The following PCDH9 variants were observed in gnomAD, a reference collection of about 807,000 sequenced individuals.
The protein encoded by PCDH9 is protocadherin 9.
PCDH9 carries 24 observed loss-of-function variants against 70.6 expected under a neutral mutation model. That is an observed-to-expected ratio of 0.34 (90% CI 0.25 to 0.48). The LOEUF (loss-of-function observed/expected upper bound fraction) is 0.48, where lower values mean the gene tolerates loss of function less well. Ranked by LOEUF, PCDH9 falls within the 20% of genes least tolerant of loss-of-function variation. PCDH9 has a pLI of 0.99. For missense variants in PCDH9, 1,281 were observed against 1,503.6 expected (o/e 0.85, Z 2.45); for synonymous variants, 562 against 558.5 (o/e 1.01, Z -0.09).
chr13:67,178,097 A>T (rs977880955), intron 2 of PCDH9, among the ~76,000 whole-genome samples: 1 of 152,008 alleles, frequency 6.6e-6, no homozygotes, highest in Non-Finnish European at 1.5e-5. Flanking sequence ...AGTATCTCCC[A>T]AGGTTGTCCT....
Position 66,739,676 on chromosome 13 carries a change from G to A in PCDH9, c.3139-108265C>T, listed in dbSNP as rs1039214811. On this transcript the variant is annotated intron_variant, in intron 3 of 4. Transcript: ENST00000377865. ...ACCAAGCAAATGGAAAACAAAAAAG[G>A]CAGGGTTTGCAATCCTAGTCTCTGA... Among the ~76,000 whole-genome samples the A allele has an allele frequency of 3.9e-4, 60 of 152,148 alleles. 2 individuals are homozygous for A. Among genetic ancestry groups the A allele is most frequent in the South Asian group, 2.7e-3 (13 of 4,806 alleles).
intron 3 of PCDH9, among the ~76,000 whole-genome samples, chr13:66,767,805 C>G (rs1187608940): frequency 6.6e-6 from 1 of 151,990 alleles, no homozygotes; most frequent in Non-Finnish European, 1.5e-5. Context: ...TTAAGAAAAT[C>G]CTTTTTCCTC....
intron 4 of PCDH9, among the ~76,000 whole-genome samples, chr13:66,607,612 C>G (rs2077237586): frequency 6.6e-6 from 1 of 152,036 alleles, no homozygotes; most frequent in South Asian, 2.1e-4. Context: ...TGATTAACAT[C>G]TTATACACCC....
At chr13:66,962,677 T>C (rs928997737) in intron 2 of PCDH9, among the ~76,000 whole-genome samples, 1 of 152,176 alleles carries the variant, frequency 6.6e-6, no homozygotes, top group Non-Finnish European at 1.5e-5. Context: ...GAACCACCTT[T>C]GTATATGCAG....
chr13:66,875,070 A>T (rs1180428391), intron 3 of PCDH9, among the ~76,000 whole-genome samples: 1 of 152,146 alleles, frequency 6.6e-6, no homozygotes, highest in Non-Finnish European at 1.5e-5. Context: ...AAATAAAAAA[A>T]TAACTTCAGG....
At chr13:66,704,319 G>A (rs2078684831) in intron 3 of PCDH9, among the ~76,000 whole-genome samples, 1 of 152,164 alleles carries the variant, frequency 6.6e-6, no homozygotes, top group South Asian at 2.1e-4. Context: ...AGCAGAAACT[G>A]ATGTGATATA....
chr13:66,758,412 A>C (rs1245097244), intron 3 of PCDH9, among the ~76,000 whole-genome samples: 4 of 151,996 alleles, frequency 2.6e-5, no homozygotes, highest in Non-Finnish European at 5.9e-5. Flanking sequence ...GGAGATTAAC[A>C]TTTTTAAAAG....
chr13:66,750,710 A>AT (rs202086761), intron 3 of PCDH9, among the ~76,000 whole-genome samples: 17 of 151,652 alleles, frequency 1.1e-4, no homozygotes, highest in South Asian at 4.2e-4. Flanking sequence ...TACTGGGTTG[A>AT]TTTTTTTTTA....
At chr13:66,407,920 C>A (rs1957307022) in intron 4 of PCDH9, among the ~76,000 whole-genome samples, 1 of 152,022 alleles carries the variant, frequency 6.6e-6, no homozygotes, top group Non-Finnish European at 1.5e-5. Context: ...GTATTTTAAA[C>A]ATTGTTAAAG....
intron 3 of PCDH9, among the ~76,000 whole-genome samples, chr13:66,651,780 C>T (rs2077855470): frequency 6.6e-6 from 1 of 151,876 alleles, no homozygotes; most frequent in African/African-American, 2.4e-5. Context: ...GCTAGCAAAT[C>T]AAGTTCAACA....
At chr13:67,071,207 CT>C (rs1373702035) in intron 2 of PCDH9, among the ~76,000 whole-genome samples, 1 of 152,128 alleles carries the variant, frequency 6.6e-6, no homozygotes, top group Non-Finnish European at 1.5e-5. Context: ...TTAGTGACTC[CT>C]TTTTTCTCTT....
chr13:66,937,224 A>T (rs998183282), intron 2 of PCDH9, among the ~76,000 whole-genome samples: 1 of 152,158 alleles, frequency 6.6e-6, no homozygotes, highest in Non-Finnish European at 1.5e-5. Context: ...GCCCTACGGG[A>T]TTGGTTTTAT....
At chr13:67,078,021 T>C (rs575249310) in intron 2 of PCDH9, among the ~76,000 whole-genome samples, 1 of 152,266 alleles carries the variant, frequency 6.6e-6, no homozygotes, top group South Asian at 2.1e-4. Flanking sequence ...TCCAGCTTCT[T>C]CCCTGCATTA....
rs576001207 is a variant in PCDH9, at chr13:66,424,599, A to G, written c.3341-119571T>C. Among the ~76,000 whole-genome samples the G allele has an allele frequency of 1.1e-4, 16 of 152,102 alleles. No homozygotes were observed. The South Asian group carries it at 2.9e-3, about 28-fold the overall frequency. On this transcript the variant is annotated intron_variant, in intron 4 of 4. Coordinates refer to ENST00000377865, the MANE Select transcript of PCDH9 (RefSeq NM_203487.3). Reference sequence around the variant, plus strand: ...TCTGTATAGCTGATGACAACACTGCATATTTCCTGATTTACTCAGAAGTTT... The same window carrying G: ...TCTGTATAGCTGATGACAACACTGCGTATTTCCTGATTTACTCAGAAGTTT...
At chr13:67,123,225 T>G (rs2086910845) in intron 2 of PCDH9, among the ~76,000 whole-genome samples, 1 of 152,146 alleles carries the variant, frequency 6.6e-6, no homozygotes, top group Non-Finnish European at 1.5e-5. Context: ...AGAAATCAAA[T>G]AAATAAAGAT....
intron 3 of PCDH9, among the ~76,000 whole-genome samples, chr13:66,761,905 G>T (rs1419436438): frequency 1.3e-5 from 2 of 150,882 alleles, no homozygotes; most frequent in Non-Finnish European, 2.9e-5. Flanking sequence ...ACTTTATTTT[G>T]TCCATTTGGT....
At chr13:66,411,029 G>A (rs1957360366) in intron 4 of PCDH9, among the ~76,000 whole-genome samples, 1 of 152,134 alleles carries the variant, frequency 6.6e-6, no homozygotes, top group Non-Finnish European at 1.5e-5. Context: ...AATTTTCAAA[G>A]AAGCAATTTC....
At chr13:67,022,341 G>A (rs950093515) in intron 2 of PCDH9, among the ~76,000 whole-genome samples, 8 of 151,536 alleles carry the variant, frequency 5.3e-5, no homozygotes, top group Non-Finnish European at 8.8e-5. Context: ...GGCTGGTCTC[G>A]AACTCCCGAC....
chr13:66,402,346 GATTT>G (rs1404544798), intron 4 of PCDH9, among the ~76,000 whole-genome samples: 3 of 152,006 alleles, frequency 2.0e-5, no homozygotes, highest in African/African-American at 7.2e-5. Flanking sequence ...GAAAAAAAAT[GATTT>G]ATTTGTATTT....
Sources: allele counts gnomAD v4.1 joint callset (sites outside exome capture counted in the v4.1 genomes callset), GRCh38; gene constraint gnomAD v4.1.1; transcripts MANE v1.5; gene names NCBI Gene and HGNC (gene_info 2026-07-23, HGNC 2026-07-21).